Variants in RERE observed in about 807,000 individuals in gnomAD.
RERE encodes arginine-glutamic acid dipeptide repeats.
A neutral mutation model predicts 146.1 loss-of-function variants in RERE; 40 were observed. The ratio of observed to expected loss-of-function variants is 0.27; its 90% CI spans 0.21 to 0.36. The LOEUF (loss-of-function observed/expected upper bound fraction) is 0.36, where lower values mean the gene tolerates loss of function less well. Ranked by LOEUF, RERE falls within the 10% of genes least tolerant of loss-of-function variation. The probability of loss-of-function intolerance (pLI) is 1.00; values close to 1 mark genes in which losing one functional copy is unlikely to be tolerated. For missense variants in RERE, 1,933 were observed against 2,138.7 expected (o/e 0.90, Z 1.90); for synonymous variants, 1,003 against 866.0 (o/e 1.16, Z -2.78).
At chr1:8,484,524 C>T (rs544814794) in intron 10 of RERE, among the ~76,000 whole-genome samples, 193 of 151,784 alleles carry the variant, frequency 1.3e-3, no homozygotes, top group Non-Finnish European at 2.2e-3. Flanking sequence ...CTCCAGGCCA[C>T]ACCATTCTCC....
intron 13 of RERE, among the ~76,000 whole-genome samples, chr1:8,365,331 A>G (rs1183017090): frequency 6.6e-6 from 1 of 152,198 alleles, no homozygotes; most frequent in Non-Finnish European, 1.5e-5. Context: ...TAGGGGTGAG[A>G]AGGTGTGGGC....
Position 8,721,197 on chromosome 1 carries a change from T to C in RERE, c.-144-64756A>G, listed in dbSNP as rs79669233. On this transcript the variant is annotated intron_variant, in intron 1 of 22. Coordinates refer to ENST00000400908, the MANE Select transcript of RERE (RefSeq NM_001042681.2). ...GACAACTGGGAGCACTGCAGAGGTC[T>C]GCTTCCCCAAGCCCCTGAACGACAG... Among the ~76,000 whole-genome samples the C allele has an allele frequency of 1.1e-4, 16 of 152,358 alleles. 1 individual carries two copies. The East Asian group carries it at 1.9e-3, about 18-fold the overall frequency.
intron 12 of RERE, among the ~76,000 whole-genome samples, chr1:8,413,694 T>G (rs1438825694): frequency 3.3e-5 from 5 of 151,968 alleles, no homozygotes. Flanking sequence ...TGAGATGAAA[T>G]GGGCCCTTTG....
chr1:8,806,520 A>AAAAATAATAAT (rs1406335388), intron 1 of RERE, among the ~76,000 whole-genome samples: 15 of 152,034 alleles, frequency 9.9e-5, no homozygotes, highest in Non-Finnish European at 1.6e-4. Context: ...CTCCATCTCA[A>AAAAATAATAAT]AAAATAATAA....
intron 11 of RERE, chr1:8,425,888 A>G (rs1644004329): frequency 6.6e-6 from 1 of 152,162 alleles, no homozygotes; most frequent in African/African-American, 2.4e-5. Context: ...CATATATATT[A>G]ATTCGAAATC....
chr1:8,732,070 T>A (rs1640098417), intron 1 of RERE, among the ~76,000 whole-genome samples: 1 of 152,212 alleles, frequency 6.6e-6, no homozygotes, highest in African/African-American at 2.4e-5. Flanking sequence ...CCCAAAGTGC[T>A]GGGATTATAG....
intron 1 of RERE, among the ~76,000 whole-genome samples, chr1:8,750,095 G>A (rs1382770215): frequency 7.1e-6 from 1 of 140,492 alleles, no homozygotes; most frequent in Admixed American, 7.9e-5. Flanking sequence ...AGGTTACAGT[G>A]AGCCAAGATT....
chr1:8,497,385 T>C lies in RERE; in HGVS notation c.1004+20A>G, dbSNP rs1645059355. 6.2e-7 allele frequency: 1 copy of C among 1,613,752 alleles called. No homozygotes were observed. The highest frequency in any genetic ancestry group is 8.5e-7 in the Non-Finnish European group (1 of 1,179,808). On this transcript the variant is annotated intron_variant, in intron 9 of 22. Transcript: ENST00000400908. Reference sequence around the variant, plus strand: ...AGATGGTCTAATTCAGAAAGCAGGATGGGGGTAGATTCCTATTACCTTGCT... The same window carrying C: ...AGATGGTCTAATTCAGAAAGCAGGACGGGGGTAGATTCCTATTACCTTGCT...
intron 12 of RERE, among the ~76,000 whole-genome samples, chr1:8,366,668 C>T (rs1209761024): frequency 2.0e-5 from 3 of 152,206 alleles, no homozygotes; most frequent in Admixed American, 1.3e-4. Flanking sequence ...AGGACAGACA[C>T]ACAGTGGTGC....
At chr1:8,437,552 G>C (rs534683611) in intron 11 of RERE, among the ~76,000 whole-genome samples, 2 of 152,168 alleles carry the variant, frequency 1.3e-5, no homozygotes, top group East Asian at 3.9e-4. Context: ...CCCAAGATCA[G>C]GGGCTGGTAA....
At chr1:8,436,000 G>C (rs1644165363) in intron 11 of RERE, among the ~76,000 whole-genome samples, 2 of 152,150 alleles carry the variant, frequency 1.3e-5, no homozygotes, top group Non-Finnish European at 2.9e-5. Context: ...TGCCAATTAT[G>C]GCCACACAGC....
chr1:8,356,207 G>A lies in RERE; in HGVS notation c.4379C>T (p.Thr1460Ile), dbSNP rs773823309. The A allele has an allele frequency of 1.1e-5, 17 of 1,524,178 alleles. No individual in the cohort carries two copies. The South Asian group carries it at 2.1e-4, about 19-fold the overall frequency. The allele number at this position is 1,524,178 out of a possible 1,614,324, so 94.4% of individuals were successfully genotyped here. A position where few individuals can be genotyped will look rare whatever the true frequency, so the allele number is the denominator to read the frequency against. ...GAAGCGAGCCAGGTGGGGACCGGCA[G>A]TCAGGGGGTCGACCAGCGGGTGAAC... ...GPVHPLVDPL[T>I]AGPHLARFPY... The change falls in exon 21 of 23, where the codon ACT (threonine) becomes ATT (isoleucine). Residue 1460 changes from threonine to isoleucine, a missense_variant. Around this residue, in one of 11 missense-constraint regions of RERE, gnomAD observed 133 missense variants for 168.6 expected, o/e 0.79. Transcript: ENST00000400908. This position sits in a 1 kb window ranked among gnomAD's most constrained non-coding sequence, Gnocchi z 5.2.
In RERE at chr1:8,541,305, T is replaced by C. The variant is rs1645797400; in HGVS notation, c.739A>G (p.Ile247Val). Residue 247 changes from isoleucine (I) to valine (V), a missense_variant, in exon 7 of 23, where the codon ATC becomes GTC. By Grantham distance (29) the Ile-to-Val change is conservative. Transcript: ENST00000400908. ...GCAAATATGTCAGAAAAATGGGAGA[T>C]GTTACACTTCCCTCTGGGAAAAAGA... is the stretch of plus-strand genomic sequence containing the variant. ...HAAALRGKCN[I>V]SHFSDIFAAR... 2 of 1,606,400 alleles carry C rather than the reference T, an allele frequency of 1.2e-6. No homozygotes were observed. The highest frequency in any genetic ancestry group is 1.7e-5 in the Admixed American group (1 of 59,336).
At chr1:8,489,372 G>GA (rs962082816) in intron 10 of RERE, among the ~76,000 whole-genome samples, 1 of 149,446 alleles carries the variant, frequency 6.7e-6, no homozygotes. Flanking sequence ...AAAGAAAAAG[G>GA]AAAAAAAAAT....
At chr1:8,475,952 A>C (rs995980432) in intron 10 of RERE, among the ~76,000 whole-genome samples, 4 of 152,248 alleles carry the variant, frequency 2.6e-5, no homozygotes, top group African/African-American at 4.8e-5. Flanking sequence ...ATAATGGAAA[A>C]GACAAAGAAT....
In RERE at chr1:8,501,043, G is replaced by GA. The variant is rs1236311695; in HGVS notation, c.880-3515_880-3514insT. The stretch of plus-strand genomic sequence containing the variant: ...CACCCCGTCCGGGAGGGGGGGGGGG[G>GA]GTCAGCCCCCCGCCCGGCCAGCCGC... On this transcript the variant is annotated intron_variant, in intron 8 of 22. Transcript: ENST00000400908. 1.6e-4 allele frequency among the ~76,000 whole-genome samples: 15 copies of GA among 93,738 alleles called. 1 individual carries two copies. The highest frequency in any genetic ancestry group is 3.4e-4 in the Non-Finnish European group (14 of 41,386). 61.5% of individuals were successfully genotyped at this position (93,738 alleles called of 152,430 possible). A position where few individuals can be genotyped will look rare whatever the true frequency, so the allele number is the denominator to read the frequency against.
chr1:8,427,637 TAAAAAAAAAAA>T (rs33996085), intron 11 of RERE, among the ~76,000 whole-genome samples: 2 of 116,340 alleles, frequency 1.7e-5, no homozygotes, highest in Non-Finnish European at 3.4e-5. Context: ...GGCCCCACTT[TAAAAAAAAAAA>T]AAAAAAAAAA....
In RERE at chr1:8,607,530, A is replaced by ATTTT. The variant is rs1646732347; in HGVS notation, c.522+7030_522+7031insAAAA. 1.6e-4 allele frequency among the ~76,000 whole-genome samples: 9 copies of ATTTT among 57,576 alleles called. No individual in the cohort carries two copies. The East Asian group carries it at 7.7e-3, about 49-fold the overall frequency. The allele number at this position is 57,576 out of a possible 152,430, so 37.8% of individuals were successfully genotyped here. On this transcript the variant is annotated intron_variant, in intron 4 of 22. Coordinates refer to ENST00000400908, the MANE Select transcript of RERE (RefSeq NM_001042681.2). ...GCCCCGCATATTTGTTTTTATATAT[A>ATTTT]TTTCTTTTTTTTTTTTTTTTTTTTT...
intron 3 of RERE, among the ~76,000 whole-genome samples, chr1:8,616,791 T>C (rs1170704886): frequency 1.3e-5 from 2 of 152,218 alleles, no homozygotes; most frequent in African/African-American, 4.8e-5. Context: ...CAACCCTGAC[T>C]GGCAGCCACG....
Sources: allele counts gnomAD v4.1 joint callset (sites outside exome capture counted in the v4.1 genomes callset), GRCh38; gene constraint gnomAD v4.1.1; regional missense constraint gnomAD v4.1.1; non-coding constraint Gnocchi (gnomAD v3.1); transcripts MANE v1.5; gene names NCBI Gene and HGNC (gene_info 2026-07-23, HGNC 2026-07-21).